The following FARSB variants were observed in gnomAD, a reference collection of about 807,000 sequenced individuals.
FARSB encodes the protein phenylalanyl-tRNA synthetase subunit beta, also known as phenylalanine--tRNA ligase beta subunit.
In FARSB, 40 loss-of-function variants were observed where a neutral mutation model predicts 69.6. That is an observed-to-expected ratio of 0.57 (90% CI 0.45 to 0.75). The LOEUF is 0.75. FARSB is among the 30% of genes least tolerant of loss of function. The probability of loss-of-function intolerance (pLI) is 0.00; values close to 1 mark genes in which losing one functional copy is unlikely to be tolerated. For synonymous variants in FARSB, 235 were observed against 247.2 expected (o/e 0.95, Z 0.46); for missense variants, 632 against 722.9 (o/e 0.87, Z 1.44).
chr2:222,603,680 T>TA (rs1559198679), intron 15 of FARSB, among the ~76,000 whole-genome samples: 1 of 75,966 alleles, frequency 1.3e-5, no homozygotes, highest in African/African-American at 3.2e-5. Context: ...ATTAATATTA[T>TA]ATTATATATT....
intron 8 of FARSB, 129 bp downstream of exon 8, chr2:222,631,467 TTTTAATTG>T: frequency 1.5e-6 from 1 of 657,362 alleles, no homozygotes; most frequent in South Asian, 1.7e-5. Context: ...ATCTCTATCT[TTTTAATTG>T]TCTAAATTTC....
chr2:222,656,058 C>T lies in FARSB; in HGVS notation c.16G>A (p.Val6Met), dbSNP rs1332153742. 1 of 1,596,288 alleles carries T rather than the reference C, an allele frequency of 6.3e-7. No individual in the cohort carries two copies. The highest frequency in any genetic ancestry group is 2.3e-5 in the East Asian group (1 of 43,816). MPTVS[V>M]KRDLLFQALG... Reference sequence around the variant, plus strand: ...GCTTGGAAGAGCAGATCACGCTTCACGCTGACAGTCGGCATGGTGTGTCGA... The same window carrying T: ...GCTTGGAAGAGCAGATCACGCTTCATGCTGACAGTCGGCATGGTGTGTCGA... Residue 6 changes from valine to methionine, a missense_variant, in exon 1 of 17, where the codon GTG becomes ATG. Physicochemically the swap from Val to Met is conservative, Grantham distance 21. Transcript: ENST00000281828.
intron 15 of FARSB, 56 bp downstream of exon 15, chr2:222,613,755 A>G (rs1385837202): frequency 7.8e-6 from 9 of 1,150,198 alleles, no homozygotes; most frequent in Non-Finnish European, 1.2e-5. Flanking sequence ...TAAGGTTTTC[A>G]TAATGAAAAA....
chr2:222,648,591 A>G (rs1281724963), intron 2 of FARSB, 149 bp downstream of exon 2: 2 of 650,890 alleles, frequency 3.1e-6, no homozygotes, highest in Admixed American at 5.2e-5. Context: ...ACAGACATGG[A>G]GCTTAGCCCT....
chr2:222,632,039 G>A (rs1377042960), intron 7 of FARSB, among the ~76,000 whole-genome samples: 2 of 139,582 alleles, frequency 1.4e-5, no homozygotes, highest in East Asian at 1.9e-4. Context: ...GCAATGGCAC[G>A]ACATGGTGCA....
chr2:222,638,699 C>T (rs1287242779), intron 5 of FARSB, among the ~76,000 whole-genome samples: 1 of 152,196 alleles, frequency 6.6e-6, no homozygotes, highest in African/African-American at 2.4e-5. Context: ...ACATAAACCC[C>T]TCCTAGGCTC....
At chr2:222,631,524 AT>A (rs1294911094) in intron 8 of FARSB, 79 bp downstream of exon 8, 4 of 790,438 alleles carry the variant, frequency 5.1e-6, no homozygotes, top group Non-Finnish European at 8.9e-6. Context: ...CATATTTTAA[AT>A]TTTAGCCACT....
intron 13 of FARSB, 131 bp from the exon 14 acceptor site, chr2:222,619,868 C>T (rs552544268): frequency 6.1e-5 from 33 of 536,884 alleles, no homozygotes; most frequent in Non-Finnish European, 1.1e-4. Context: ...TAAGAATAGG[C>T]CTGGTGTGAG....
intron 10 of FARSB, among the ~76,000 whole-genome samples, chr2:222,625,976 G>A (rs1252170888): frequency 1.3e-5 from 2 of 152,170 alleles, no homozygotes; most frequent in Non-Finnish European, 2.9e-5. Flanking sequence ...GCTGGGCGTG[G>A]TGGCTCACGC....
At chr2:222,629,729 T>A (rs770543887) in intron 9 of FARSB, among the ~76,000 whole-genome samples, 2 of 152,190 alleles carry the variant, frequency 1.3e-5, no homozygotes, top group Non-Finnish European at 2.9e-5. Flanking sequence ...ATTTTTAATC[T>A]TTATATTTGT....
rs770646379 is a variant in FARSB, at chr2:222,619,647, GA to G, written c.1341del (p.Gln448ArgfsTer12). 6.5e-7 allele frequency: 1 copy of G among 1,548,972 alleles called. No individual in the cohort carries two copies. ...TCTCACCTACTTAAAATTCTTACCT[GA>G]AATTCAGCTGTTTTAGGATTACTTA... ...VHISNPKTAE[F>X]QVARTTLLPG... On this transcript the variant is annotated frameshift_variant, in exon 14 of 17. Coordinates refer to ENST00000281828, the MANE Select transcript of FARSB (RefSeq NM_005687.5). LOFTEE classifies it high-confidence loss of function.
At chr2:222,632,636 A>G (rs1207595794) in intron 7 of FARSB, among the ~76,000 whole-genome samples, 2 of 152,214 alleles carry the variant, frequency 1.3e-5, no homozygotes, top group Non-Finnish European at 2.9e-5. Context: ...ATTTAAATTA[A>G]AAGTTTTTGT....
chr2:222,646,878 G>A (rs1480623331), intron 2 of FARSB, among the ~76,000 whole-genome samples: 1 of 152,080 alleles, frequency 6.6e-6, no homozygotes, highest in Non-Finnish European at 1.5e-5. Context: ...TCCTTCCACG[G>A]TGCATTGTAT....
At chr2:222,604,974 A>AC (rs1690663180) in intron 15 of FARSB, among the ~76,000 whole-genome samples, 1 of 138,892 alleles carries the variant, frequency 7.2e-6, no homozygotes, top group Non-Finnish European at 1.6e-5. Flanking sequence ...GGCCATATCT[A>AC]TGCCAGCTGA....
At chr2:222,625,107 T>C (rs1193418316) in intron 10 of FARSB, among the ~76,000 whole-genome samples, 2 of 152,220 alleles carry the variant, frequency 1.3e-5, no homozygotes, top group East Asian at 3.9e-4. Flanking sequence ...TTATAAATCC[T>C]GCTAAAGATT....
chr2:222,586,209 C>A (rs1690108721), intron 16 of FARSB, among the ~76,000 whole-genome samples: 1 of 152,226 alleles, frequency 6.6e-6, no homozygotes, highest in Admixed American at 6.5e-5. Context: ...AAATATTCAA[C>A]ATTCTTAAAG....
At chr2:222,620,484 C>A (rs1691109417) in intron 13 of FARSB, among the ~76,000 whole-genome samples, 1 of 152,122 alleles carries the variant, frequency 6.6e-6, no homozygotes, top group South Asian at 2.1e-4. Flanking sequence ...TGCTTGCCAC[C>A]CTCAGAAACC....
intron 10 of FARSB, among the ~76,000 whole-genome samples, chr2:222,626,359 T>G (rs556863821): frequency 6.6e-6 from 1 of 152,184 alleles, no homozygotes; most frequent in Admixed American, 6.5e-5. Flanking sequence ...TACTGACAAC[T>G]TATCTCCCCT....
intron 15 of FARSB, among the ~76,000 whole-genome samples, chr2:222,608,403 T>C (rs1487404845): frequency 6.6e-6 from 1 of 152,134 alleles, no homozygotes; most frequent in Non-Finnish European, 1.5e-5. Flanking sequence ...ACAAAAACCT[T>C]TAAAGATCTG....
Sources: gnomAD v4.1 joint callset for allele counts (sites outside exome capture counted in the v4.1 genomes callset) on GRCh38, gnomAD v4.1.1 for gene constraint, MANE v1.5 for transcripts, NCBI Gene and HGNC (gene_info 2026-07-23, HGNC 2026-07-21) for gene names.